The following ASAP2 variants were observed in gnomAD, a reference collection of about 807,000 sequenced individuals.
ASAP2 encodes the protein arf-GAP with SH3 domain, ANK repeat and PH domain-containing protein 2.
ASAP2 carries 45 observed loss-of-function variants against 131.4 expected under a neutral mutation model. The ratio of observed to expected loss-of-function variants is 0.34; its 90% CI spans 0.27 to 0.44. The LOEUF is 0.44. Among genes scored for constraint, ASAP2 ranks in the 20% least tolerant of loss-of-function variants. ASAP2 has a pLI of 1.00. For synonymous variants in ASAP2, 510 were observed against 503.0 expected (o/e 1.01, Z -0.19); for missense variants, 1,011 against 1,297.0 (o/e 0.78, Z 3.39).
intron 22 of ASAP2, among the ~76,000 whole-genome samples, chr2:9,390,392 G>A (rs11695817): frequency 0.17 from 25,272 of 152,216 alleles, 6,159 homozygotes; most frequent in African/African-American, 0.53. Flanking sequence ...CCTACAGGCC[G>A]TGCACAGCCT....
intron 15 of ASAP2, among the ~76,000 whole-genome samples, chr2:9,361,975 G>A (rs1274962862): frequency 5.5e-5 from 1 of 18,086 alleles, no homozygotes; most frequent in Non-Finnish European, 9.3e-5. Context: ...CTTTCTCTGC[G>A]TGTGTGTGTG....
At chr2:9,385,112 C>T (rs1325524144) in intron 20 of ASAP2, 133 bp from the exon 21 acceptor site, 1 of 643,212 alleles carries the variant, frequency 1.6e-6, no homozygotes, top group African/African-American at 1.8e-5. Flanking sequence ...GCGGGGGCTT[C>T]ACCTGAGACC....
At chr2:9,264,850 A>C (rs1369240914) in intron 1 of ASAP2, among the ~76,000 whole-genome samples, 1 of 152,186 alleles carries the variant, frequency 6.6e-6, no homozygotes, top group Non-Finnish European at 1.5e-5. Context: ...TAAAAAATAC[A>C]AATTTTGGCC....
intron 1 of ASAP2, among the ~76,000 whole-genome samples, chr2:9,225,762 G>A (rs1358243747): frequency 6.6e-6 from 1 of 152,188 alleles, no homozygotes; most frequent in South Asian, 2.1e-4. Flanking sequence ...GCCGTGGGAA[G>A]TGGTTGTAGG....
chr2:9,212,806 G>C (rs974243862), intron 1 of ASAP2, among the ~76,000 whole-genome samples: 3 of 152,126 alleles, frequency 2.0e-5, no homozygotes, highest in African/African-American at 7.2e-5. Flanking sequence ...CTGGAAACTT[G>C]CTGAAATGCA....
intron 2 of ASAP2, among the ~76,000 whole-genome samples, chr2:9,292,669 G>C (rs1468506271): frequency 6.6e-6 from 1 of 152,188 alleles, no homozygotes; most frequent in African/African-American, 2.4e-5. Context: ...TGGAGCCCCA[G>C]TTCAATGTCT....
intron 3 of ASAP2, among the ~76,000 whole-genome samples, chr2:9,300,396 C>T (rs1373348433): frequency 1.4e-5 from 2 of 139,044 alleles, no homozygotes; most frequent in East Asian, 3.9e-4. Context: ...ATCCCTCCTT[C>T]TCCTTTATAA....
intron 1 of ASAP2, among the ~76,000 whole-genome samples, chr2:9,257,854 T>G (rs147412286): frequency 7.0e-4 from 107 of 152,302 alleles, no homozygotes; most frequent in African/African-American, 2.5e-3. Context: ...AAAAAGAGAA[T>G]ACAAAGGTGG....
At chr2:9,272,969 G>A (rs905524478) in intron 1 of ASAP2, among the ~76,000 whole-genome samples, 7 of 152,262 alleles carry the variant, frequency 4.6e-5, no homozygotes, top group Admixed American at 1.3e-4. Flanking sequence ...TATAATTTAA[G>A]TAAGGTAATG....
rs150415798 is a variant in ASAP2 at position 9,384,444 on chromosome 2, A to G, written c.2017-801A>G. On this transcript the variant is annotated intron_variant, in intron 20 of 27. Coordinates refer to ENST00000281419, the MANE Select transcript of ASAP2 (RefSeq NM_003887.3). The stretch of plus-strand genomic sequence containing the variant: ...AATTAGACACTATCTACTTGGAGGT[A>G]GTGTTAGATCCCACAGGCTGGGGGC... Among the ~76,000 whole-genome samples the G allele has an allele frequency of 6.1e-3, 922 of 152,312 alleles. 7 individuals carry two copies. The highest frequency in any genetic ancestry group is 0.021 in the African/African-American group (873 of 41,576).
chr2:9,240,501 C>T (rs951449337), intron 1 of ASAP2, among the ~76,000 whole-genome samples: 10 of 152,110 alleles, frequency 6.6e-5, no homozygotes, highest in African/African-American at 2.2e-4. Flanking sequence ...CTGCCTTGGC[C>T]TCCCAGAGTG....
chr2:9,264,967 C>A (rs1665842137), intron 1 of ASAP2, among the ~76,000 whole-genome samples: 1 of 152,016 alleles, frequency 6.6e-6, no homozygotes, highest in East Asian at 1.9e-4. Context: ...AGGGAGACGT[C>A]TCTGCAAAAA....
intron 24 of ASAP2, among the ~76,000 whole-genome samples, chr2:9,395,035 C>T (rs1286435001): frequency 6.6e-6 from 1 of 152,206 alleles, no homozygotes; most frequent in Non-Finnish European, 1.5e-5. Context: ...GGTCCACGGA[C>T]AGGTCCCCAG....
At chr2:9,357,082 T>C (rs1280060670) in intron 14 of ASAP2, among the ~76,000 whole-genome samples, 1 of 151,674 alleles carries the variant, frequency 6.6e-6, no homozygotes, top group African/African-American at 2.4e-5. Flanking sequence ...CAATTTTTCT[T>C]AAAAAACCAA....
At chr2:9,362,824 A>G (rs897438621) in intron 15 of ASAP2, among the ~76,000 whole-genome samples, 1 of 152,188 alleles carries the variant, frequency 6.6e-6, no homozygotes, top group Non-Finnish European at 1.5e-5. Context: ...AGCCTGGGCA[A>G]CAGAGTGAGA....
chr2:9,263,512 G>A (rs1665722225), intron 1 of ASAP2, among the ~76,000 whole-genome samples: 1 of 152,246 alleles, frequency 6.6e-6, no homozygotes, highest in Non-Finnish European at 1.5e-5. Context: ...ATAAAAGTCA[G>A]GATGTGAAGC....
In ASAP2 at chr2:9,392,647, CAAT is replaced by C. The variant is rs1330556519; in HGVS notation, c.2519-831_2519-829del. On this transcript the variant is annotated intron_variant, in intron 23 of 27. Coordinates refer to ENST00000281419, the MANE Select transcript of ASAP2 (RefSeq NM_003887.3). The surrounding 1 kb of genome is among the most constrained non-coding windows in gnomAD (Gnocchi z 4.0). ...TTTCCTTTAAATTGGAAAAAGGAAACAATAATGATAAAAAGAAAGATCATAAGC... is the reference window on the plus strand; with the variant it reads ...TTTCCTTTAAATTGGAAAAAGGAAACAATGATAAAAAGAAAGATCATAAGC... Among the ~76,000 whole-genome samples the C allele has an allele frequency of 6.6e-6, 1 of 152,160 alleles. No homozygotes were observed. Among genetic ancestry groups the C allele is most frequent in the African/African-American group, 2.4e-5 (1 of 41,432 alleles).
At chr2:9,247,756 T>A (rs985118968) in intron 1 of ASAP2, among the ~76,000 whole-genome samples, 1 of 152,224 alleles carries the variant, frequency 6.6e-6, no homozygotes, top group Non-Finnish European at 1.5e-5. Context: ...TTTCTGTTAT[T>A]TTTTGCACTT....
chr2:9,314,952 A>C (rs1046039473), intron 3 of ASAP2, among the ~76,000 whole-genome samples: 2 of 151,520 alleles, frequency 1.3e-5, no homozygotes, highest in African/African-American at 4.9e-5. Context: ...AATAGAAAAG[A>C]AAATATTGGA....
Sources: allele counts gnomAD v4.1 joint callset (sites outside exome capture counted in the v4.1 genomes callset), GRCh38; gene constraint gnomAD v4.1.1; non-coding constraint Gnocchi (gnomAD v3.1); transcripts MANE v1.5; gene names NCBI Gene and HGNC (gene_info 2026-07-23, HGNC 2026-07-21).